The following HSPBP1 variants were observed in gnomAD, a reference collection of about 807,000 sequenced individuals.
The protein encoded by HSPBP1 is HSPA (Hsp70) binding protein 1, also known as hsp70-binding protein 1.
Under a neutral mutation model 41.7 loss-of-function variants are expected in HSPBP1, and 31 were observed. That is an observed-to-expected ratio of 0.74 (90% confidence interval 0.56 to 1.00). The LOEUF is 1.00. HSPBP1 is among the 50% of genes least tolerant of loss of function. The probability of loss-of-function intolerance (pLI) is 0.00; values close to 1 mark genes in which losing one functional copy is unlikely to be tolerated. For synonymous variants in HSPBP1, 199 were observed against 214.4 expected (o/e 0.93, Z 0.63); for missense variants, 439 against 487.9 (o/e 0.90, Z 0.94).
chr19:55,269,018 T>C (rs2087855266), intron 4 of HSPBP1, among the ~76,000 whole-genome samples: 1 of 152,170 alleles, frequency 6.6e-6, no homozygotes, highest in African/African-American at 2.4e-5. Context: ...ATGCATGGAC[T>C]GGAAAACACA....
chr19:55,264,905 G>A (rs1365581343), intron 7 of HSPBP1, among the ~76,000 whole-genome samples: 2 of 152,066 alleles, frequency 1.3e-5, no homozygotes, highest in African/African-American at 4.8e-5. Context: ...GGCTGGCTCT[G>A]CCCCTACTAG....
chr19:55,271,135 G>A (rs1392336076), intron 4 of HSPBP1, among the ~76,000 whole-genome samples: 1 of 152,148 alleles, frequency 6.6e-6, no homozygotes, highest in African/African-American at 2.4e-5. Context: ...CAGGTTTGGG[G>A]ACAGGGACCA....
chr19:55,271,792 G>C (rs2087929813), intron 4 of HSPBP1, among the ~76,000 whole-genome samples: 1 of 152,206 alleles, frequency 6.6e-6, no homozygotes, highest in African/African-American at 2.4e-5. Flanking sequence ...AGGCACAGTG[G>C]CTCATGCCTA....
intron 4 of HSPBP1, among the ~76,000 whole-genome samples, chr19:55,269,931 C>A (rs545559963): frequency 1.1e-4 from 16 of 152,170 alleles, no homozygotes; most frequent in Admixed American, 9.8e-4. Flanking sequence ...TAACAAGGAA[C>A]CACTTTGGAG....
At chr19:55,277,547 G>T in intron 3 of HSPBP1, 95 bp downstream of exon 3, 1 of 1,269,766 alleles carries the variant, frequency 7.9e-7, no homozygotes, top group Non-Finnish European at 1.1e-6. Flanking sequence ...CAGCAGGGAG[G>T]CTGACGGTGT....
chr19:55,263,978 T>C (rs1010463005), intron 7 of HSPBP1, among the ~76,000 whole-genome samples: 15 of 150,888 alleles, frequency 9.9e-5, no homozygotes, highest in Non-Finnish European at 1.6e-4. Context: ...TTTTTTTTTT[T>C]TTTTTTTTGA....
chr19:55,262,391 C>T lies in HSPBP1; in HGVS notation c.*217G>A, dbSNP rs1391729913. On this transcript the variant is annotated 3_prime_UTR_variant, in exon 8 of 8. Transcript: ENST00000433386. Reference sequence around the variant, plus strand: ...ACCTTTATTGGAAGAGCTGTGTGGACAAGAGAACGGGGATGAGAGTGAGAG... The same window carrying T: ...ACCTTTATTGGAAGAGCTGTGTGGATAAGAGAACGGGGATGAGAGTGAGAG... The T allele has an allele frequency of 1.1e-5, 15 of 1,383,696 alleles. No homozygotes were observed. The East Asian group carries it at 2.7e-4, about 25-fold the overall frequency. The allele number at this position is 1,383,696 out of a possible 1,614,324, so 85.7% of individuals were successfully genotyped here. A position where few individuals can be genotyped will look rare whatever the true frequency, so the allele number is the denominator to read the frequency against.
At chr19:55,278,893 T>G (rs2088148065) in intron 2 of HSPBP1, among the ~76,000 whole-genome samples, 1 of 146,716 alleles carries the variant, frequency 6.8e-6, no homozygotes, top group Admixed American at 6.9e-5. Flanking sequence ...CAGCCGAGAC[T>G]GTGTCCTCCA....
Position 55,268,596 on chromosome 19 carries a change from A to G in HSPBP1, c.641-2310T>C, listed in dbSNP as rs917588539. 7.9e-5 allele frequency among the ~76,000 whole-genome samples: 12 copies of G among 152,242 alleles called. No individual in the cohort carries two copies. Among genetic ancestry groups the G allele is most frequent in the Non-Finnish European group, 1.8e-4 (12 of 68,050 alleles). ...AGCATGACAAAAAATACAGTGTCTC[A>G]TTAATAGTCCATATTAATTACACAT... On this transcript the variant is annotated intron_variant, in intron 4 of 7. Transcript: ENST00000433386. The surrounding 1 kb of genome is among the most constrained non-coding windows in gnomAD (Gnocchi z 4.5).
intron 4 of HSPBP1, 53 bp downstream of exon 4, chr19:55,274,345 G>GACCCCCCCCC: frequency 3.6e-6 from 2 of 552,676 alleles, no homozygotes; most frequent in South Asian, 3.8e-5. Context: ...GGCCCACCCG[G>GACCCCCCCCC]CACCCCCCCC....
intron 4 of HSPBP1, among the ~76,000 whole-genome samples, chr19:55,271,975 T>C (rs2087933905): frequency 1.3e-5 from 2 of 151,606 alleles, no homozygotes; most frequent in South Asian, 4.2e-4. Flanking sequence ...GGCAGGGGAA[T>C]CCCTTGAACC....
chr19:55,277,688 G>C lies in HSPBP1; in HGVS notation c.369C>G (p.Ala123=), dbSNP rs1471938417. 5 of 1,606,168 alleles carry C rather than the reference G, an allele frequency of 3.1e-6. No homozygotes were observed. Among genetic ancestry groups the C allele is most frequent in the Non-Finnish European group, 4.2e-6 (5 of 1,177,330 alleles). The part of the protein sequence containing the change: ...QAADQQEREG[A]LELLADLCEN... Reference sequence around the variant, plus strand: ...CACACAGGTCGGCCAGCAGCTCCAGGGCCCCCTCTCGCTCTTGCTGGTCGG... The same window carrying C: ...CACACAGGTCGGCCAGCAGCTCCAGCGCCCCCTCTCGCTCTTGCTGGTCGG... The change falls in exon 3 of 8, where the codon GCC becomes GCG. Residue 123 remains alanine (A), a synonymous_variant. Transcript: ENST00000433386.
intron 5 of HSPBP1, 58 bp downstream of exon 5, chr19:55,266,073 T>G: frequency 1.3e-6 from 2 of 1,572,586 alleles, no homozygotes; most frequent in Non-Finnish European, 1.7e-6. Context: ...CTCCCACACC[T>G]GCACCCACCC....
intron 7 of HSPBP1, 37 bp from the exon 8 acceptor site, chr19:55,262,719 T>C (rs1186746965): frequency 3.8e-6 from 6 of 1,589,094 alleles, no homozygotes; most frequent in Non-Finnish European, 5.2e-6. Flanking sequence ...GGGGCCTGAG[T>C]GCAGAGGCCG....
rs1050205089 is a variant in HSPBP1, at chr19:55,271,345, G to C, written c.640+3053C>G. ...CCCTCCTCAGCCTCCCAGGTAGGTG[G>C]GACCAGGTGTGAACCACCAAGATGA... On this transcript the variant is annotated intron_variant, in intron 4 of 7. Transcript: ENST00000433386. Among the ~76,000 whole-genome samples the C allele has an allele frequency of 1.4e-4, 22 of 151,890 alleles. 1 individual carries two copies. Among genetic ancestry groups the C allele is most frequent in the Admixed American group, 8.5e-4 (13 of 15,260 alleles).
rs2087832003 is a variant in HSPBP1, at chr19:55,268,023, TA to T, written c.641-1738del. ...GAAGCTGCTAGTAGCTTGTGGCCAC[TA>T]AACACCTGATATGTGGCCAGTGCAA... On this transcript the variant is annotated intron_variant, in intron 4 of 7. Transcript: ENST00000433386. The surrounding 1 kb of genome is among the most constrained non-coding windows in gnomAD (Gnocchi z 4.5). Among the ~76,000 whole-genome samples, 1 of 152,226 alleles carries T rather than the reference TA, an allele frequency of 6.6e-6. No homozygotes were observed. Among genetic ancestry groups the T allele is most frequent in the South Asian group, 2.1e-4 (1 of 4,826 alleles).
At chr19:55,266,474 A>T in intron 4 of HSPBP1, among the ~76,000 whole-genome samples, 188 bp from the exon 5 acceptor site, 1 of 1,258 alleles carries the variant, frequency 7.9e-4, no homozygotes, top group Admixed American at 8.9e-3. Context: ...CATCACCACC[A>T]TCCTCACCAC....
Position 55,266,197 on chromosome 19 carries a change from G to A in HSPBP1, c.730C>T (p.Gln244Ter). Residue 244 changes from glutamine (Q) to a stop codon, truncating the protein, a stop_gained, in exon 5 of 8, where the codon CAG (glutamine) becomes TAG (stop). Transcript: ENST00000433386. LOFTEE classifies it high-confidence loss of function. Reference protein sequence around the residue: ...VLMRAMQQQVQKLKVKSAFLL... With the variant: ...VLMRAMQQQV ...AATGCTGATTTGACCTTGAGCTTCTGCACCTGCTGCTGCATGGCCCTCATC... is the reference window on the plus strand; with the variant it reads ...AATGCTGATTTGACCTTGAGCTTCTACACCTGCTGCTGCATGGCCCTCATC... 1 of 1,585,482 alleles carries A rather than the reference G, an allele frequency of 6.3e-7. No individual in the cohort carries two copies. Among genetic ancestry groups the A allele is most frequent in the Non-Finnish European group, 8.6e-7 (1 of 1,166,030 alleles).
chr19:55,276,831 T>C (rs1409293472), intron 3 of HSPBP1, among the ~76,000 whole-genome samples: 1 of 152,022 alleles, frequency 6.6e-6, no homozygotes, highest in Admixed American at 6.6e-5. Flanking sequence ...GTCCAGCCCC[T>C]GTCCAAAATG....
Sources: gnomAD v4.1 joint callset for allele counts (sites outside exome capture counted in the v4.1 genomes callset) on GRCh38, gnomAD v4.1.1 for gene constraint, Gnocchi (gnomAD v3.1) non-coding constraint, MANE v1.5 for transcripts, NCBI Gene and HGNC (gene_info 2026-07-23, HGNC 2026-07-21) for gene names.